CMSS1: variants seen among roughly 807,000 people sequenced by gnomAD.
CMSS1 encodes protein CMSS1.
In CMSS1, 33 loss-of-function variants were observed where a neutral mutation model predicts 43.5. That is an observed-to-expected ratio of 0.76 (90% CI 0.57 to 1.01). The LOEUF is 1.01. Ranked by LOEUF, CMSS1 falls within the 50% of genes least tolerant of loss-of-function variation. The pLI, the probability that CMSS1 is intolerant of heterozygous loss-of-function variation, is 0.00. For missense variants in CMSS1, 313 were observed against 326.4 expected (o/e 0.96, Z 0.32); for synonymous variants, 115 against 117.2 (o/e 0.98, Z 0.12).
chr3:99,886,240 TGAGAGGGGAATGAGTGTAAAG>T (rs1244177402), intron 1 of CMSS1, among the ~76,000 whole-genome samples: 71 of 85,454 alleles, frequency 8.3e-4, no homozygotes, highest in African/African-American at 3.2e-3. Context: ...GAGTTCCTGG[TGAGAGGGGAATGAGTGTAAAG>T]CAGGGATGTT....
intron 1 of CMSS1, among the ~76,000 whole-genome samples, chr3:99,981,261 C>T (rs1041687873): frequency 2.0e-5 from 3 of 152,162 alleles, no homozygotes; most frequent in Non-Finnish European, 4.4e-5. Context: ...AAACTTGTCC[C>T]TGGCCTCCTG....
chr3:99,927,579 G>A (rs1017317035), intron 1 of CMSS1, among the ~76,000 whole-genome samples: 1 of 151,996 alleles, frequency 6.6e-6, no homozygotes, highest in South Asian at 2.1e-4. Flanking sequence ...ATGTTGGTCA[G>A]GCTGGTCTCG....
At chr3:100,073,405 A>G (rs1370978487) in intron 1 of CMSS1, among the ~76,000 whole-genome samples, 1 of 152,222 alleles carries the variant, frequency 6.6e-6, no homozygotes, top group Non-Finnish European at 1.5e-5. Context: ...CTGTCCTGTC[A>G]TGAAAGTATA....
At chr3:99,848,372 T>C in intron 1 of CMSS1, 1 of 1,614,220 alleles carries the variant, frequency 6.2e-7, no homozygotes, top group Middle Eastern at 1.6e-4. Context: ...TTGGTTGTTT[T>C]GTTTAGTGCC....
intron 1 of CMSS1, among the ~76,000 whole-genome samples, chr3:99,962,295 G>A (rs1474338605): frequency 6.6e-6 from 1 of 152,146 alleles, no homozygotes; most frequent in Non-Finnish European, 1.5e-5. Flanking sequence ...GGAAGATGAG[G>A]TCGCATGTGA....
At chr3:100,035,592 T>C (rs2065094322) in intron 1 of CMSS1, among the ~76,000 whole-genome samples, 1 of 152,156 alleles carries the variant, frequency 6.6e-6, no homozygotes, top group Non-Finnish European at 1.5e-5. Flanking sequence ...TTTAATGCCC[T>C]CTGGTTCCCA....
At chr3:99,819,010 C>T (rs1942379902) in intron 1 of CMSS1, among the ~76,000 whole-genome samples, 1 of 152,248 alleles carries the variant, frequency 6.6e-6, no homozygotes, top group Non-Finnish European at 1.5e-5. Flanking sequence ...CAGATTCATA[C>T]TTCTGTCATC....
chr3:99,966,410 G>A (rs187575731), intron 1 of CMSS1, among the ~76,000 whole-genome samples: 62 of 151,028 alleles, frequency 4.1e-4, no homozygotes, highest in East Asian at 3.9e-4. Context: ...TTTTTTTTTC[G>A]GCTATATATA....
At chr3:99,985,770 C>T (rs1010667609) in intron 1 of CMSS1, among the ~76,000 whole-genome samples, 1 of 152,032 alleles carries the variant, frequency 6.6e-6, no homozygotes, top group African/African-American at 2.4e-5. Context: ...TGTATTTTTA[C>T]TAGAGATGGG....
intron 1 of CMSS1, among the ~76,000 whole-genome samples, chr3:99,971,604 C>T (rs1454443568): frequency 1.3e-5 from 2 of 152,202 alleles, no homozygotes; most frequent in Non-Finnish European, 2.9e-5. Context: ...TGTCTTGTAG[C>T]CACTCCCTGA....
chr3:100,109,725 G>T (rs1220144641), intron 1 of CMSS1, among the ~76,000 whole-genome samples: 1 of 152,118 alleles, frequency 6.6e-6, no homozygotes, highest in Admixed American at 6.6e-5. Context: ...CCAATTGAAG[G>T]GGTTGTTTCC....
At chr3:100,038,704 T>A (rs958779472) in intron 1 of CMSS1, among the ~76,000 whole-genome samples, 7 of 152,156 alleles carry the variant, frequency 4.6e-5, no homozygotes, top group Non-Finnish European at 8.8e-5. Flanking sequence ...TCAGTCCATG[T>A]CCTACATAGT....
chr3:99,841,299 T>G (rs1050322113), intron 1 of CMSS1, among the ~76,000 whole-genome samples: 1 of 152,258 alleles, frequency 6.6e-6, no homozygotes, highest in African/African-American at 2.4e-5. Context: ...ATATATCAAA[T>G]TATAAACTAG....
intron 1 of CMSS1, among the ~76,000 whole-genome samples, chr3:99,934,237 A>G (rs1365516279): frequency 1.3e-5 from 2 of 152,230 alleles, no homozygotes; most frequent in East Asian, 1.9e-4. Flanking sequence ...ACACCTCTAC[A>G]TGGAAGAAGA....
chr3:100,084,538 C>T (rs1320975071), intron 1 of CMSS1, among the ~76,000 whole-genome samples: 9 of 152,100 alleles, frequency 5.9e-5, no homozygotes, highest in Non-Finnish European at 1.0e-4. Context: ...AACGGGAAAA[C>T]AATACAGTGT....
chr3:100,033,450 T>C (rs1021112299), intron 1 of CMSS1, among the ~76,000 whole-genome samples: 2 of 152,190 alleles, frequency 1.3e-5, no homozygotes, highest in Non-Finnish European at 2.9e-5. Context: ...CTTTGTGTTA[T>C]CTTCTTGAAG....
intron 1 of CMSS1, among the ~76,000 whole-genome samples, chr3:99,860,863 G>T (rs1382385317): frequency 1.3e-5 from 2 of 152,102 alleles, no homozygotes; most frequent in African/African-American, 2.4e-5. Context: ...TTGGACAATG[G>T]ATGTTCATTT....
At chr3:100,025,676 G>C (rs1559730237) in intron 1 of CMSS1, 1 of 152,064 alleles carries the variant, frequency 6.6e-6, no homozygotes, top group Non-Finnish European at 1.5e-5. Flanking sequence ...AAACATACCA[G>C]GTCGTCCACA....
At chr3:99,941,968 A>C (rs1042014400) in intron 1 of CMSS1, among the ~76,000 whole-genome samples, 9 of 152,152 alleles carry the variant, frequency 5.9e-5, no homozygotes, top group Non-Finnish European at 1.3e-4. Flanking sequence ...TTGAATGTGA[A>C]CTATAAATTA....
Sources: allele counts gnomAD v4.1 joint callset (sites outside exome capture counted in the v4.1 genomes callset), GRCh38; gene constraint gnomAD v4.1.1; transcripts MANE v1.5; gene names NCBI Gene and HGNC (gene_info 2026-07-23, HGNC 2026-07-21).